The following SYCP1 variants were observed in gnomAD, a reference collection of about 807,000 sequenced individuals.
SYCP1 encodes cancer/testis antigen 8.
Under a neutral mutation model 153.1 loss-of-function variants are expected in SYCP1, and 64 were observed. That is an observed-to-expected ratio of 0.42 (90% CI 0.34 to 0.51). The LOEUF is 0.51. Ranked by LOEUF, SYCP1 falls within the 20% of genes least tolerant of loss-of-function variation. SYCP1 has a pLI of 0.06. For synonymous variants in SYCP1, 384 were observed against 341.8 expected, an observed-to-expected ratio of 1.12 and a Z score of -1.36; for missense variants, 997 against 1,049.0, an observed-to-expected ratio of 0.95 and a Z score of 0.68.
At chr1:114,972,036 C>T (rs572750747) in intron 27 of SYCP1, among the ~76,000 whole-genome samples, 1 of 151,922 alleles carries the variant, frequency 6.6e-6, no homozygotes, top group African/African-American at 2.4e-5. Context: ...TGCAGTAAAG[C>T]CATTGGGTCC....
chr1:114,857,525 T>C, intron 5 of SYCP1, 28 bp downstream of exon 5: 1 of 1,524,434 alleles, frequency 6.6e-7, no homozygotes, highest in Non-Finnish European at 8.9e-7. Flanking sequence ...TCATATTAAA[T>C]TTCTTGTAAT....
chr1:114,925,964 AT>A (rs150364124), intron 21 of SYCP1, among the ~76,000 whole-genome samples: 4,845 of 150,730 alleles, frequency 0.032, 128 homozygotes, highest in Non-Finnish European at 0.043. Context: ...TACAAAGATA[AT>A]TTTTTTTTTA....
rs749277797 is a variant in SYCP1 at position 114,926,560 on chromosome 1, A to G, written c.1923A>G (p.Ile641Met). Residue 641 changes from isoleucine to methionine, a missense_variant, in exon 23 of 32, where the codon ATA (isoleucine) becomes ATG (methionine). Coordinates refer to ENST00000369522, the MANE Select transcript of SYCP1 (RefSeq NM_003176.4). ...GCAAGCAACTGAATGTTTATGAGATAAAGGTATTTGGCATCTTTATTTTTG... is the reference window on the plus strand; with the variant it reads ...GCAAGCAACTGAATGTTTATGAGATGAAGGTATTTGGCATCTTTATTTTTG... ...AESKQLNVYE[I>M]KVNKLELELE... The G allele has an allele frequency of 3.0e-5, 48 of 1,594,980 alleles. No homozygotes were observed. In the Middle Eastern group the frequency reaches 6.7e-4, roughly 22 times the overall value.
chr1:114,887,750 T>G (rs1166502651), intron 15 of SYCP1, 57 bp downstream of exon 15: 1 of 1,081,128 alleles, frequency 9.2e-7, no homozygotes, highest in African/African-American at 1.6e-5. Flanking sequence ...TATAGAATCA[T>G]AAACACTGTT....
At chr1:114,910,882 C>G (rs899513696) in intron 17 of SYCP1, among the ~76,000 whole-genome samples, 1 of 152,072 alleles carries the variant, frequency 6.6e-6, no homozygotes, top group Non-Finnish European at 1.5e-5. Context: ...CCTGGCTCAT[C>G]CCCTCAAGTA....
chr1:114,987,407 C>T (rs1673588789), intron 30 of SYCP1, among the ~76,000 whole-genome samples: 3 of 152,032 alleles, frequency 2.0e-5, no homozygotes, highest in South Asian at 2.1e-4. Context: ...TAGCTCACGC[C>T]TGTAATTTCA....
intron 27 of SYCP1, among the ~76,000 whole-genome samples, chr1:114,968,598 G>A (rs193110268): frequency 1.3e-5 from 2 of 152,234 alleles, no homozygotes; most frequent in East Asian, 1.9e-4. Context: ...AAGGTTCTTA[G>A]CTTCTTTGCA....
intron 8 of SYCP1, among the ~76,000 whole-genome samples, chr1:114,864,082 A>G (rs967969359): frequency 6.6e-6 from 1 of 151,902 alleles, no homozygotes; most frequent in African/African-American, 2.4e-5. Context: ...TGGCACATGT[A>G]TAGCTATGTA....
At chr1:114,914,736 A>G (rs1464133444) in intron 20 of SYCP1, among the ~76,000 whole-genome samples, 1 of 152,178 alleles carries the variant, frequency 6.6e-6, no homozygotes, top group African/African-American at 2.4e-5. Context: ...ATTAAGTCCA[A>G]AGAAGGCTCA....
At chr1:114,872,744 G>A (rs749663697) in intron 8 of SYCP1, among the ~76,000 whole-genome samples, 4 of 151,934 alleles carry the variant, frequency 2.6e-5, no homozygotes, top group East Asian at 1.9e-4. Context: ...AGTTTTTGAG[G>A]TTTCTGTTGA....
chr1:114,957,705 G>A (rs919681818), intron 27 of SYCP1, among the ~76,000 whole-genome samples: 2 of 152,102 alleles, frequency 1.3e-5, no homozygotes, highest in Non-Finnish European at 2.9e-5. Flanking sequence ...AATCATCAGG[G>A]AAACACAAAT....
chr1:114,910,408 A>G lies in SYCP1; in HGVS notation c.1332A>G (p.Glu444=). The part of the protein sequence containing the change: ...EELKKVLGEK[E]TLLYENKQFE... ...ATGTTTATAAATAGGGAGAAAAGGA[A>G]ACACTTTTATATGAAAATAAACAAT... Residue 444 remains glutamate (E), a synonymous_variant, in exon 17 of 32, where the codon GAA becomes GAG. Transcript: ENST00000369522. 1 of 1,591,332 alleles carries G rather than the reference A, an allele frequency of 6.3e-7. No individual in the cohort carries two copies.
intron 3 of SYCP1, 48 bp from the exon 4 acceptor site, chr1:114,857,184 A>AG (rs1664051322): frequency 8.2e-7 from 1 of 1,225,896 alleles, no homozygotes; most frequent in Non-Finnish European, 1.1e-6. Flanking sequence ...AAAAAGAAAG[A>AG]GAAAAAGATG....
intron 16 of SYCP1, among the ~76,000 whole-genome samples, chr1:114,902,961 C>G (rs1048920022): frequency 6.6e-6 from 1 of 152,096 alleles, no homozygotes; most frequent in Non-Finnish European, 1.5e-5. Context: ...GAGCGGATCA[C>G]TTGAGGCCAG....
chr1:114,934,573 T>C (rs1212677108), intron 23 of SYCP1, among the ~76,000 whole-genome samples: 1 of 152,134 alleles, frequency 6.6e-6, no homozygotes, highest in African/African-American at 2.4e-5. Flanking sequence ...TAACCTTAAA[T>C]GTAAATGGGC....
intron 3 of SYCP1, 76 bp from the exon 4 acceptor site, chr1:114,857,156 A>AAAAAAAAG (rs774041717): frequency 2.5e-5 from 23 of 921,302 alleles, no homozygotes; most frequent in Admixed American, 6.3e-5. Context: ...AAAAAAAAAA[A>AAAAAAAAG]AGAGAAAAAA....
intron 27 of SYCP1, among the ~76,000 whole-genome samples, chr1:114,960,514 C>G (rs1331405454): frequency 1.3e-5 from 2 of 152,160 alleles, no homozygotes; most frequent in Non-Finnish European, 2.9e-5. Flanking sequence ...TACTAATTTA[C>G]ATTCCCACCA....
intron 23 of SYCP1, among the ~76,000 whole-genome samples, chr1:114,937,093 T>C (rs1188767659): frequency 6.6e-6 from 1 of 152,072 alleles, no homozygotes; most frequent in Admixed American, 6.6e-5. Context: ...CCAAGACAAT[T>C]CTAAGCGAAA....
At chr1:114,854,121 C>CT (rs1663776112), upstream of SYCP1, among the ~76,000 whole-genome samples, 1 of 151,784 alleles carries the variant, frequency 6.6e-6, no homozygotes, top group African/African-American at 2.4e-5. Context: ...TTTCCTCCCT[C>CT]TGCCTCCTTT....
Sources: allele counts gnomAD v4.1 joint callset (sites outside exome capture counted in the v4.1 genomes callset), GRCh38; gene constraint gnomAD v4.1.1; transcripts MANE v1.5; gene names NCBI Gene and HGNC (gene_info 2026-07-23, HGNC 2026-07-21).